Variants in SH3RF3 observed in about 807,000 individuals in gnomAD.
SH3RF3 encodes the protein E3 ubiquitin-protein ligase SH3RF3.
A neutral mutation model predicts 66.3 loss-of-function variants in SH3RF3; 29 were observed. The ratio of observed to expected loss-of-function variants is 0.44; its 90% CI spans 0.33 to 0.60. The LOEUF (loss-of-function observed/expected upper bound fraction) is 0.60. Ranked by LOEUF, SH3RF3 falls within the 20% of genes least tolerant of loss-of-function variation. SH3RF3 has a pLI of 0.04. For missense variants in SH3RF3, 1,194 were observed against 1,190.9 expected (o/e 1.00, Z -0.04); for synonymous variants, 583 against 532.0 (o/e 1.10, Z -1.32).
chr2:109,154,918 G>T (rs563533390), intron 1 of SH3RF3, among the ~76,000 whole-genome samples: 42 of 152,338 alleles, frequency 2.8e-4, no homozygotes, highest in African/African-American at 9.9e-4. Flanking sequence ...TTTGGAGAGT[G>T]TTGGCTTTCC....
intron 1 of SH3RF3, among the ~76,000 whole-genome samples, chr2:109,178,579 A>G (rs902504506): frequency 2.0e-5 from 3 of 152,200 alleles, no homozygotes; most frequent in Non-Finnish European, 2.9e-5. Flanking sequence ...TTGGACTCAA[A>G]TACGTTATTT....
At chr2:109,294,289 C>G (rs561583757) in intron 1 of SH3RF3, among the ~76,000 whole-genome samples, 2 of 152,036 alleles carry the variant, frequency 1.3e-5, no homozygotes, top group Non-Finnish European at 2.9e-5. Context: ...GTGCCGTGTG[C>G]GGTGGTCATG....
chr2:109,392,697 A>C (rs892467036), intron 3 of SH3RF3, among the ~76,000 whole-genome samples: 7 of 150,782 alleles, frequency 4.6e-5, no homozygotes, highest in Admixed American at 1.3e-4. Flanking sequence ...TTTTTTTTTC[A>C]GTAGAGATGG....
intron 1 of SH3RF3, among the ~76,000 whole-genome samples, chr2:109,172,367 C>A (rs957862093): frequency 6.6e-6 from 1 of 152,228 alleles, no homozygotes; most frequent in Non-Finnish European, 1.5e-5. Flanking sequence ...TCACCATGCA[C>A]GGAGCTCAGC....
chr2:109,305,764 C>T (rs1681577989), intron 1 of SH3RF3, among the ~76,000 whole-genome samples: 1 of 152,236 alleles, frequency 6.6e-6, no homozygotes, highest in Non-Finnish European at 1.5e-5. Context: ...CTGCGGTTCC[C>T]TGAGACAGAT....
intron 1 of SH3RF3, among the ~76,000 whole-genome samples, chr2:109,225,891 G>A (rs1034504487): frequency 4.6e-5 from 7 of 152,144 alleles, no homozygotes; most frequent in Admixed American, 1.3e-4. Context: ...TCAGCCTCCC[G>A]AGTAGCTGGG....
intron 1 of SH3RF3, among the ~76,000 whole-genome samples, chr2:109,172,881 C>G (rs1677820248): frequency 2.0e-5 from 3 of 152,194 alleles, no homozygotes; most frequent in African/African-American, 7.2e-5. Context: ...TATTTCTCTT[C>G]CAAAATAAAC....
At chr2:109,440,802 T>G (rs1677539399) in intron 7 of SH3RF3, among the ~76,000 whole-genome samples, 1 of 152,146 alleles carries the variant, frequency 6.6e-6, no homozygotes, top group Non-Finnish European at 1.5e-5. Context: ...GAGCACGCCC[T>G]GAGATCTTCA....
intron 9 of SH3RF3, among the ~76,000 whole-genome samples, chr2:109,492,368 GCT>G (rs1371290944): frequency 6.6e-6 from 1 of 152,142 alleles, no homozygotes; most frequent in East Asian, 1.9e-4. Context: ...AGTGGACAGG[GCT>G]CTCTGCAGAA....
At chr2:109,473,123 C>T (rs112066511) in intron 8 of SH3RF3, among the ~76,000 whole-genome samples, 1 of 152,350 alleles carries the variant, frequency 6.6e-6, no homozygotes, top group African/African-American at 2.4e-5. Context: ...TTAATCGCCC[C>T]TCATTTAACA....
chr2:109,421,639 C>A (rs191779099), intron 5 of SH3RF3, among the ~76,000 whole-genome samples: 2 of 152,350 alleles, frequency 1.3e-5, no homozygotes, highest in African/African-American at 2.4e-5. Flanking sequence ...AGCTCTCCAC[C>A]TTCTCCCTCT....
intron 1 of SH3RF3, among the ~76,000 whole-genome samples, chr2:109,150,785 G>A (rs1574475764): frequency 6.6e-6 from 1 of 152,008 alleles, no homozygotes; most frequent in African/African-American, 2.4e-5. Context: ...ATCTCACACT[G>A]TTACCTCCTT....
chr2:109,209,298 A>G (rs546299589), intron 1 of SH3RF3, among the ~76,000 whole-genome samples: 1 of 152,210 alleles, frequency 6.6e-6, no homozygotes, highest in South Asian at 2.1e-4. Context: ...TGCGCGGGTG[A>G]TTTTGGTGAC....
chr2:109,406,127 C>G (rs1339871965), intron 4 of SH3RF3, among the ~76,000 whole-genome samples: 1 of 152,140 alleles, frequency 6.6e-6, no homozygotes, highest in Non-Finnish European at 1.5e-5. Flanking sequence ...AGGGATTCTT[C>G]CTCTGCGACT....
At chr2:109,417,520 A>C (rs915781490) in intron 4 of SH3RF3, among the ~76,000 whole-genome samples, 1 of 152,166 alleles carries the variant, frequency 6.6e-6, no homozygotes, top group Admixed American at 6.5e-5. Context: ...GGCATGAGGC[A>C]GGCACAGGAC....
chr2:109,168,799 C>G (rs1402726945), intron 1 of SH3RF3, among the ~76,000 whole-genome samples: 1 of 152,234 alleles, frequency 6.6e-6, no homozygotes, highest in African/African-American at 2.4e-5. Flanking sequence ...AACAGTAGAT[C>G]TCTGTCTTCC....
At chr2:109,425,459 C>A (rs1677001054) in intron 5 of SH3RF3, among the ~76,000 whole-genome samples, 1 of 152,126 alleles carries the variant, frequency 6.6e-6, no homozygotes, top group Non-Finnish European at 1.5e-5. Context: ...GATATCAAGG[C>A]CTGGCTTCAA....
intron 1 of SH3RF3, among the ~76,000 whole-genome samples, chr2:109,317,370 G>A (rs1286133633): frequency 6.6e-6 from 1 of 152,112 alleles, no homozygotes; most frequent in Non-Finnish European, 1.5e-5. Context: ...CCCAGGGGGT[G>A]GAGGAGAGTC....
chr2:109,425,739 G>A (rs1315527934), intron 5 of SH3RF3, among the ~76,000 whole-genome samples: 2 of 152,202 alleles, frequency 1.3e-5, no homozygotes, highest in African/African-American at 4.8e-5. Flanking sequence ...CTCATTGCCA[G>A]TGTACTTGGT....
Sources: gnomAD v4.1 joint callset for allele counts (sites outside exome capture counted in the v4.1 genomes callset) on GRCh38, gnomAD v4.1.1 for gene constraint, MANE v1.5 for transcripts, NCBI Gene and HGNC (gene_info 2026-07-23, HGNC 2026-07-21) for gene names.